TSPAN4: variants seen among roughly 807,000 people sequenced by gnomAD.
TSPAN4 encodes tetraspanin-4.
Under a neutral mutation model 31.5 loss-of-function variants are expected in TSPAN4, and 38 were observed. The observed-to-expected ratio is 1.21, with a 90% CI of 0.93 to 1.58. The LOEUF (loss-of-function observed/expected upper bound fraction) is 1.58. TSPAN4 is among the 40% of genes most tolerant of loss of function. The pLI, the probability that TSPAN4 is intolerant of heterozygous loss-of-function variation, is 0.00. For synonymous variants in TSPAN4, 186 were observed against 144.6 expected (o/e 1.29, Z -2.06); for missense variants, 330 against 317.3 (o/e 1.04, Z -0.30).
At chr11:865,323 T>TG in intron 5 of TSPAN4, 190 bp from the exon 6 acceptor site, 1 of 584,194 alleles carries the variant, frequency 1.7e-6, no homozygotes. Context: ...AGCCCAGAGG[T>TG]GGGGGCCCTG....
chr11:855,566 G>T (rs1285515155), intron 3 of TSPAN4, among the ~76,000 whole-genome samples: 2 of 152,194 alleles, frequency 1.3e-5, no homozygotes, highest in African/African-American at 4.8e-5. Flanking sequence ...GTGGGCCTTG[G>T]TCACTGGGTG....
chr11:866,393 G>A (rs1394970134), intron 8 of TSPAN4, among the ~76,000 whole-genome samples, 169 bp from the exon 9 acceptor site: 1 of 152,092 alleles, frequency 6.6e-6, no homozygotes, highest in African/African-American at 2.4e-5. Context: ...GAGCCACAGG[G>A]GTTGGGTGGG....
intron 3 of TSPAN4, among the ~76,000 whole-genome samples, chr11:859,157 C>A (rs1019486344): frequency 7.5e-6 from 1 of 133,968 alleles, no homozygotes; most frequent in Non-Finnish European, 1.6e-5. Flanking sequence ...TGCACCCCGG[C>A]TCACACGCAC....
chr11:866,028 C>G, intron 8 of TSPAN4, 27 bp downstream of exon 8: 1 of 1,607,768 alleles, frequency 6.2e-7, no homozygotes. Context: ...TGCGGGCTCC[C>G]TGCCCCCACT....
chr11:856,926 T>C (rs1367683943), intron 3 of TSPAN4: 2 of 152,278 alleles, frequency 1.3e-5, no homozygotes, highest in African/African-American at 4.8e-5. Context: ...ATTTTATCTG[T>C]GTGGGTCTGC....
At chr11:860,423 G>C (rs1441996472) in intron 3 of TSPAN4, among the ~76,000 whole-genome samples, 1 of 152,226 alleles carries the variant, frequency 6.6e-6, no homozygotes, top group Non-Finnish European at 1.5e-5. Context: ...CCAACCTCCA[G>C]CCTGGCGCTG....
chr11:864,147 T>C (rs564416990), intron 4 of TSPAN4: 41 of 520,438 alleles, frequency 7.9e-5, no homozygotes, highest in Middle Eastern at 1.0e-3. Context: ...TTGTGCCCAC[T>C]TGGGGGTGTC....
intron 3 of TSPAN4, 64 bp downstream of exon 3, chr11:850,431 G>T: frequency 7.0e-7 from 1 of 1,436,896 alleles, no homozygotes; most frequent in East Asian, 2.4e-5. Context: ...GGCGGGTCGC[G>T]GGGTCTGGGG....
At position 866,020 on chromosome 11, in the gene TSPAN4, C is replaced by T. The variant is rs764372379; in HGVS notation, c.648+19C>T. ...GGTGCAGGTATGGCCTGGGGGCCTG[C>T]GGGCTCCCTGCCCCCACTTTGTTAG... On this transcript the variant is annotated intron_variant, in intron 8 of 8. Coordinates refer to ENST00000397397, the MANE Select transcript of TSPAN4 (RefSeq NM_003271.5). 41 of 1,609,290 alleles carry T rather than the reference C, an allele frequency of 2.5e-5. No individual in the cohort carries two copies. Among genetic ancestry groups the T allele is most frequent in the East Asian group, 2.0e-4 (9 of 44,838 alleles).
intron 3 of TSPAN4, chr11:857,409 T>TTTTG (rs1554991642): frequency 1.4e-5 from 2 of 142,894 alleles, no homozygotes; most frequent in African/African-American, 5.2e-5. Context: ...GGTTTTTTTT[T>TTTTG]TTTTTTTTTT....
intron 3 of TSPAN4, among the ~76,000 whole-genome samples, chr11:861,994 G>T (rs941571318): frequency 5.3e-5 from 8 of 152,206 alleles, no homozygotes; most frequent in Admixed American, 3.3e-4. Context: ...CTCCTGCCAC[G>T]AGTGACAGGG....
chr11:853,100 C>G (rs1358409210), intron 3 of TSPAN4, among the ~76,000 whole-genome samples: 1 of 147,718 alleles, frequency 6.8e-6, no homozygotes. Context: ...GGTACAGGTG[C>G]GGCCAGGGCA....
chr11:865,530 G>A lies in TSPAN4; in HGVS notation c.348G>A (p.Gln116=), dbSNP rs371470307. ...ACCCCCAGATTGACAGGTATGCCCA[G>A]CAAGACCTGAAGAAAGGCTTGCACC... is the stretch of plus-strand genomic sequence containing the variant. The part of the protein sequence containing the change: ...AYTDKIDRYA[Q]QDLKKGLHLY... The change falls in exon 6 of 9, where the codon CAG becomes CAA. Residue 116 remains glutamine, a synonymous_variant. Coordinates refer to ENST00000397397, the MANE Select transcript of TSPAN4 (RefSeq NM_003271.5). 1.2e-5 allele frequency: 19 copies of A among 1,611,710 alleles called. No individual in the cohort carries two copies. Among genetic ancestry groups the A allele is most frequent in the Non-Finnish European group, 1.4e-5 (17 of 1,179,792 alleles).
rs775746152 is a variant in TSPAN4 at position 864,418 on chromosome 11, G to A, written c.256-19G>A. On this transcript the variant is annotated intron_variant, in intron 4 of 8. Transcript: ENST00000397397. The stretch of plus-strand genomic sequence containing the variant: ...TGTGCGGCCTTTCGGGTCCCTGTCT[G>A]AGCCTGCCCCCTCCACAGTTCTTCC... 6.2e-7 allele frequency: 1 copy of A among 1,611,082 alleles called. No individual in the cohort carries two copies. Among genetic ancestry groups the A allele is most frequent in the Non-Finnish European group, 8.5e-7 (1 of 1,179,904 alleles).
At chr11:854,735 G>C (rs1298341677) in intron 3 of TSPAN4, among the ~76,000 whole-genome samples, 1 of 149,226 alleles carries the variant, frequency 6.7e-6, no homozygotes, top group East Asian at 2.0e-4. Flanking sequence ...GGTGGAGGGG[G>C]TGCAGTGGGG....
At chr11:849,391 G>T (rs1847497685) in intron 2 of TSPAN4, among the ~76,000 whole-genome samples, 1 of 151,680 alleles carries the variant, frequency 6.6e-6, no homozygotes, top group Admixed American at 6.6e-5. Flanking sequence ...GCCGCTTCAA[G>T]TTGCCACCAG....
In TSPAN4 at chr11:862,543, G is replaced by GC; in HGVS notation, c.64-3dup. 6.2e-7 allele frequency: 1 copy of GC among 1,600,448 alleles called. No individual in the cohort carries two copies. The highest frequency in any genetic ancestry group is 8.5e-7 in the Non-Finnish European group (1 of 1,175,016). Reference sequence around the variant, plus strand: ...CTGTCTGTGTCTCTCCTGTTGCTGTGCCCCAGCTGGGAGGCTGTGGCGTGC... The same window carrying GC: ...CTGTCTGTGTCTCTCCTGTTGCTGTGCCCCCAGCTGGGAGGCTGTGGCGTGC... On this transcript the variant is annotated splice_polypyrimidine_tract_variant and splice_region_variant and intron_variant, in intron 3 of 8. Transcript: ENST00000397397.
chr11:844,713 G>C (rs1377235252), intron 1 of TSPAN4: 1 of 151,988 alleles, frequency 6.6e-6, no homozygotes, highest in Non-Finnish European at 1.5e-5. Context: ...TTCTGGGGGG[G>C]GGGGTCTGGG....
At chr11:864,321 G>A in intron 4 of TSPAN4, 116 bp from the exon 5 acceptor site, 1 of 1,323,054 alleles carries the variant, frequency 7.6e-7, no homozygotes. Context: ...GGGCCTGGCA[G>A]AGGTTTCCTG....
Sources: allele counts gnomAD v4.1 joint callset (sites outside exome capture counted in the v4.1 genomes callset), GRCh38; gene constraint gnomAD v4.1.1; transcripts MANE v1.5; gene names NCBI Gene and HGNC (gene_info 2026-07-23, HGNC 2026-07-21).